RNF150: variants seen among roughly 807,000 people sequenced by gnomAD.
RNF150 encodes ring finger protein 150.
In RNF150, 24 loss-of-function variants were observed where a neutral mutation model predicts 39.3. The ratio of observed to expected loss-of-function variants is 0.61; its 90% confidence interval spans 0.44 to 0.86. RNF150 has a LOEUF of 0.86. Ranked by LOEUF, RNF150 falls within the 40% of genes least tolerant of loss-of-function variation. The pLI is 0.00. For synonymous variants in RNF150, 255 were observed against 227.3 expected, an observed-to-expected ratio of 1.12 and a Z score of -1.10; for missense variants, 502 against 587.8, an observed-to-expected ratio of 0.85 and a Z score of 1.51.
intron 1 of RNF150, among the ~76,000 whole-genome samples, chr4:141,000,010 AGAAGAAGAAGAAGAAGAAGAAGAAGAAG>A (rs1734565633): frequency 2.7e-5 from 1 of 37,376 alleles, no homozygotes; most frequent in African/African-American, 9.9e-5. Flanking sequence ...AAGAAGAAGA[AGAAGAAGAAGAAGAAGAAGAAGAAGAAG>A]AAGAAGAAGA....
chr4:140,967,840 T>G lies in RNF150; in HGVS notation c.518A>C (p.Glu173Ala), dbSNP rs2111423692. 6.2e-7 allele frequency: 1 copy of G among 1,613,268 alleles called. No individual in the cohort carries two copies. The highest frequency in any genetic ancestry group is 2.2e-5 in the East Asian group (1 of 44,830). Reference sequence around the variant, plus strand: ...GCTTACTATCTCCTTCCCTTTTGGCTCAGGAATCATTATGGCCACGATGTC... The same window carrying G: ...GCTTACTATCTCCTTCCCTTTTGGCGCAGGAATCATTATGGCCACGATGTC... ...VEDIVAIMIP[E>A]PKGKEIVSLL... The change falls in exon 2 of 7, where the codon GAG becomes GCG. Residue 173 changes from glutamate to alanine, a missense_variant. By Grantham distance (107) the Glu-to-Ala change is moderately radical. Transcript: ENST00000515673.
rs534221804 is a variant in RNF150 at position 141,056,665 on chromosome 4, A to G, written c.484+75660T>C. On this transcript the variant is annotated intron_variant, in intron 1 of 6. Transcript: ENST00000515673. ...AGCCTCTGCATTCCTTTCCTCCCCT[A>G]CACCTAATCCTCAGCTCTTTCCTCA... Among the ~76,000 whole-genome samples, 3 of 151,916 alleles carry G rather than the reference A, an allele frequency of 2.0e-5. No individual in the cohort carries two copies. In the South Asian group the frequency reaches 6.2e-4, roughly 32 times the overall value.
chr4:140,878,164 G>GTTTT lies in RNF150; in HGVS notation c.1199-9789_1199-9786dup, dbSNP rs58338048. Among the ~76,000 whole-genome samples, 149 of 90,464 alleles carry GTTTT rather than the reference G, an allele frequency of 1.6e-3. 1 individual carries two copies. Among genetic ancestry groups the GTTTT allele is most frequent in the African/African-American group, 3.4e-3 (86 of 25,304 alleles). 59.3% of individuals were successfully genotyped at this position (90,464 alleles called of 152,430 possible). A position where few individuals can be genotyped will look rare whatever the true frequency, so the allele number is the denominator to read the frequency against. ...ACAGGTTAAGGTGATATCTCATTGT[G>GTTTT]TTTTTTTTTTTTTTTTTTTTTCAAC... On this transcript the variant is annotated intron_variant, in intron 6 of 6. Coordinates refer to ENST00000515673, the MANE Select transcript of RNF150 (RefSeq NM_020724.2).
chr4:140,968,627 A>ATTG (rs1172973397), intron 1 of RNF150, among the ~76,000 whole-genome samples: 1 of 151,698 alleles, frequency 6.6e-6, no homozygotes, highest in Non-Finnish European at 1.5e-5. Context: ...TAATTCCAGG[A>ATTG]TTGTTTCACT....
At chr4:140,963,843 ATTAAAAAATTC>A (rs1353347768) in intron 2 of RNF150, among the ~76,000 whole-genome samples, 1 of 152,022 alleles carries the variant, frequency 6.6e-6, no homozygotes. Context: ...TCCATTCTTG[ATTAAAAAATTC>A]TTAATAAGAT....
At chr4:140,999,939 AAAAAAGAAGAAGAAGAAG>A (rs1734522066) in intron 1 of RNF150, among the ~76,000 whole-genome samples, 2 of 35,814 alleles carry the variant, frequency 5.6e-5, no homozygotes, top group Non-Finnish European at 1.4e-4. Context: ...CTTGGTCTCA[AAAAAAGAAGAAGAAGAAG>A]AAGAAGAAGA....
At chr4:141,078,783 C>G (rs1738017329) in intron 1 of RNF150, among the ~76,000 whole-genome samples, 1 of 92,750 alleles carries the variant, frequency 1.1e-5, no homozygotes, top group African/African-American at 4.6e-5. Flanking sequence ...GAGCGAAACT[C>G]CGTCTCAAAA....
chr4:140,927,323 G>A (rs1383901602), intron 4 of RNF150, among the ~76,000 whole-genome samples: 2 of 152,196 alleles, frequency 1.3e-5, no homozygotes, highest in African/African-American at 4.8e-5. Flanking sequence ...GTTTGGGTCT[G>A]TGTCCCTGCC....
At chr4:141,190,907 A>T (rs75731268) in intron 1 of RNF150, among the ~76,000 whole-genome samples, 1 of 152,198 alleles carries the variant, frequency 6.6e-6, no homozygotes, top group Admixed American at 6.5e-5. Context: ...AAAATTGTCA[A>T]TTAAAATCAT....
rs564217554 is a variant in RNF150, at chr4:141,078,629, C to CA, written c.484+53695dup. Reference sequence around the variant, plus strand: ...ACCCCGTCTCTACTAAAAATACAAACAAAAAAAAAAATTAGCCGGGCGCGG... The same window carrying CA: ...ACCCCGTCTCTACTAAAAATACAAACAAAAAAAAAAAATTAGCCGGGCGCGG... On this transcript the variant is annotated intron_variant, in intron 1 of 6. Coordinates refer to ENST00000515673, the MANE Select transcript of RNF150 (RefSeq NM_020724.2). Among the ~76,000 whole-genome samples, 250 of 141,604 alleles carry CA rather than the reference C, an allele frequency of 1.8e-3. 1 individual carries two copies. Among genetic ancestry groups the CA allele is most frequent in the South Asian group, 5.4e-3 (24 of 4,474 alleles). 92.9% of individuals were successfully genotyped at this position (141,604 alleles called of 152,430 possible). A position where few individuals can be genotyped will look rare whatever the true frequency, so the allele number is the denominator to read the frequency against.
intron 1 of RNF150, among the ~76,000 whole-genome samples, chr4:141,128,498 C>T (rs991742812): frequency 2.0e-5 from 3 of 152,114 alleles, no homozygotes; most frequent in African/African-American, 2.4e-5. Flanking sequence ...TAGGGTACAC[C>T]GAAAGAAGCT....
chr4:141,108,659 A>C (rs146913513), intron 1 of RNF150, among the ~76,000 whole-genome samples: 166 of 152,332 alleles, frequency 1.1e-3, no homozygotes, highest in African/African-American at 3.8e-3. Context: ...ACATCTTAAA[A>C]CCAGTGGTGA....
At chr4:140,892,296 A>G (rs185752207) in intron 6 of RNF150, among the ~76,000 whole-genome samples, 46 of 152,294 alleles carry the variant, frequency 3.0e-4, no homozygotes, top group African/African-American at 1.0e-3. Context: ...AATTTGATCT[A>G]TAGTTCTTTT....
intron 1 of RNF150, among the ~76,000 whole-genome samples, chr4:141,190,685 G>T (rs1728096671): frequency 6.6e-6 from 1 of 152,170 alleles, no homozygotes; most frequent in African/African-American, 2.4e-5. Flanking sequence ...AAAGGATATT[G>T]TTTAAACCAC....
intron 1 of RNF150, among the ~76,000 whole-genome samples, chr4:141,178,658 G>T (rs1190018806): frequency 6.6e-6 from 1 of 152,028 alleles, no homozygotes; most frequent in Non-Finnish European, 1.5e-5. Flanking sequence ...GCGGGAGGTG[G>T]GTAGGATGGA....
At chr4:140,961,813 G>T (rs1264857927) in intron 2 of RNF150, among the ~76,000 whole-genome samples, 2 of 151,966 alleles carry the variant, frequency 1.3e-5, no homozygotes, top group African/African-American at 4.8e-5. Context: ...TAAACCCCAT[G>T]AACCACTTTC....
chr4:141,075,128 G>A (rs1293069910), intron 1 of RNF150, among the ~76,000 whole-genome samples: 2 of 152,230 alleles, frequency 1.3e-5, no homozygotes, highest in Non-Finnish European at 2.9e-5. Context: ...GCCGGTTTCA[G>A]AGCTGACTCT....
In RNF150 at chr4:141,132,817, G is replaced by A. The variant is rs199945118; in HGVS notation, c.-9C>T. ...ATGAGAGACATTGCCATCTTTATCC[G>A]CCGGGGCCCCCTCCCCGCCCCCGCG... On this transcript the variant is annotated 5_prime_UTR_variant, in exon 1 of 7. Coordinates refer to ENST00000515673, the MANE Select transcript of RNF150 (RefSeq NM_020724.2). This position sits in a 1 kb window ranked among gnomAD's most constrained non-coding sequence, Gnocchi z 4.9. 220 of 1,606,826 alleles carry A rather than the reference G, an allele frequency of 1.4e-4. No individual in the cohort carries two copies. The highest frequency in any genetic ancestry group is 5.0e-4 in the Middle Eastern group (3 of 6,028).
intron 6 of RNF150, among the ~76,000 whole-genome samples, chr4:140,910,028 C>T (rs956598018): frequency 1.3e-5 from 2 of 152,176 alleles, no homozygotes; most frequent in South Asian, 4.1e-4. Context: ...GTGATTGTTT[C>T]CAAGTAGTGG....
Sources: gnomAD v4.1 joint callset for allele counts (sites outside exome capture counted in the v4.1 genomes callset) on GRCh38, gnomAD v4.1.1 for gene constraint, Gnocchi (gnomAD v3.1) non-coding constraint, MANE v1.5 for transcripts, NCBI Gene and HGNC (gene_info 2026-07-23, HGNC 2026-07-21) for gene names.